WDPCP: variants seen among roughly 807,000 people sequenced by gnomAD.
WDPCP encodes WD repeat-containing and planar cell polarity effector protein fritz homolog.
WDPCP carries 71 observed loss-of-function variants against 93.1 expected under a neutral mutation model. That is an observed-to-expected ratio of 0.76 (90% CI 0.63 to 0.93). The LOEUF (loss-of-function observed/expected upper bound fraction) is 0.93. WDPCP is among the 40% of genes least tolerant of loss of function. The pLI is 0.00. For missense variants in WDPCP, 844 were observed against 887.4 expected (o/e 0.95, Z 0.62); for synonymous variants, 315 against 315.0 (o/e 1.00, Z 0.00).
Position 63,202,529 on chromosome 2 carries a change from G to A in WDPCP, c.1916-27697C>T, listed in dbSNP as rs147749593. Among the ~76,000 whole-genome samples the A allele has an allele frequency of 1.5e-4, 23 of 151,984 alleles. No individual in the cohort carries two copies. The Middle Eastern group carries it at 0.01, about 67-fold the overall frequency. On this transcript the variant is annotated intron_variant, in intron 14 of 17. Coordinates refer to ENST00000272321, the MANE Select transcript of WDPCP (RefSeq NM_015910.7). The stretch of plus-strand genomic sequence containing the variant: ...TATTTCCTCCATAATTTTTTTCCAC[G>A]TGATTTTTCTTAAATTGAGAGAGGT...
intron 12 of WDPCP, among the ~76,000 whole-genome samples, chr2:63,344,340 A>T (rs1689046551): frequency 6.6e-6 from 1 of 152,210 alleles, no homozygotes; most frequent in East Asian, 1.9e-4. Flanking sequence ...TAACAAATGA[A>T]CAAAGACAAA....
intron 2 of WDPCP, among the ~76,000 whole-genome samples, chr2:63,744,423 G>A (rs1669765414): frequency 6.6e-6 from 1 of 152,030 alleles, no homozygotes; most frequent in African/African-American, 2.4e-5. Context: ...TGCCATCAAA[G>A]GAACTGGATG....
At chr2:63,125,642 C>G (rs1669844004) in intron 17 of WDPCP, among the ~76,000 whole-genome samples, 1 of 152,138 alleles carries the variant, frequency 6.6e-6, no homozygotes, top group Non-Finnish European at 1.5e-5. Context: ...GTGTCTTGCT[C>G]TGTTGCCCAG....
chr2:63,497,196 T>C (rs1270474533), intron 1 of WDPCP, among the ~76,000 whole-genome samples: 4 of 150,304 alleles, frequency 2.7e-5, no homozygotes, highest in African/African-American at 7.4e-5. Context: ...GTGAATGTGG[T>C]GGTATACAGA....
chr2:63,686,132 G>A (rs1668802046), intron 2 of WDPCP, among the ~76,000 whole-genome samples: 1 of 152,090 alleles, frequency 6.6e-6, no homozygotes, highest in African/African-American at 2.4e-5. Context: ...GAAAGAAAGG[G>A]CATCCAAAGT....
chr2:63,236,121 G>A lies in WDPCP; in HGVS notation c.1915+23186C>T, dbSNP rs117576759. Among the ~76,000 whole-genome samples, 58 of 152,246 alleles carry A rather than the reference G, an allele frequency of 3.8e-4. No individual in the cohort carries two copies. In the East Asian group the frequency reaches 0.011, roughly 29 times the overall value. ...CAGGAGACTCCTAGACCTGATAAATGACTTCTGTAAAGTTTTGGATACAAA... is the reference window on the plus strand; with the variant it reads ...CAGGAGACTCCTAGACCTGATAAATAACTTCTGTAAAGTTTTGGATACAAA... On this transcript the variant is annotated intron_variant, in intron 14 of 17. Coordinates refer to ENST00000272321, the MANE Select transcript of WDPCP (RefSeq NM_015910.7).
intron 14 of WDPCP, among the ~76,000 whole-genome samples, chr2:63,258,627 A>G (rs1166105828): frequency 1.3e-5 from 2 of 152,164 alleles, no homozygotes; most frequent in African/African-American, 2.4e-5. Flanking sequence ...TTCTTTGCCT[A>G]CTTTAGGAAT....
chr2:63,579,339 G>C (rs889187286), intron 1 of WDPCP, among the ~76,000 whole-genome samples: 10 of 152,246 alleles, frequency 6.6e-5, no homozygotes, highest in African/African-American at 2.4e-4. Context: ...GTTGGGCACA[G>C]TGGTTCATGC....
chr2:63,621,385 T>C (rs1335849135), intron 3 of WDPCP, among the ~76,000 whole-genome samples: 2 of 151,886 alleles, frequency 1.3e-5, no homozygotes, highest in Admixed American at 6.6e-5. Context: ...CATACACAAG[T>C]ATCAATAGCC....
intron 2 of WDPCP, among the ~76,000 whole-genome samples, chr2:63,719,366 A>G (rs1445601389): frequency 6.6e-6 from 1 of 152,066 alleles, no homozygotes; most frequent in African/African-American, 2.4e-5. Context: ...AAATACCCTG[A>G]CCTCTTTTTC....
chr2:63,638,282 G>A (rs148049190), intron 3 of WDPCP, among the ~76,000 whole-genome samples: 232 of 152,020 alleles, frequency 1.5e-3, no homozygotes, highest in Non-Finnish European at 2.7e-3. Context: ...TGCTATGAGA[G>A]TACATCTTAA....
intron 12 of WDPCP, among the ~76,000 whole-genome samples, chr2:63,355,752 G>A (rs1294797355): frequency 1.3e-5 from 2 of 152,142 alleles, no homozygotes; most frequent in African/African-American, 4.8e-5. Flanking sequence ...GCTGGGCATG[G>A]TGGCGGACAC....
At chr2:63,349,489 T>C (rs1362278253) in intron 12 of WDPCP, among the ~76,000 whole-genome samples, 3 of 152,136 alleles carry the variant, frequency 2.0e-5, no homozygotes, top group Admixed American at 2.0e-4. Context: ...TCTCTTTCTA[T>C]ATGAATTATT....
At chr2:63,338,380 C>G (rs1462288059) in intron 12 of WDPCP, among the ~76,000 whole-genome samples, 2 of 151,136 alleles carry the variant, frequency 1.3e-5, no homozygotes, top group Non-Finnish European at 3.0e-5. Context: ...GGTGAAACCC[C>G]GTCTCTATTA....
intron 1 of WDPCP, among the ~76,000 whole-genome samples, chr2:63,559,019 T>A (rs909798411): frequency 6.6e-6 from 1 of 152,138 alleles, no homozygotes; most frequent in Non-Finnish European, 1.5e-5. Flanking sequence ...TGAACATCAA[T>A]GCAAAAATCC....
intron 9 of WDPCP, among the ~76,000 whole-genome samples, chr2:63,428,322 T>C (rs1319640557): frequency 6.6e-6 from 1 of 152,078 alleles, no homozygotes; most frequent in Non-Finnish European, 1.5e-5. Context: ...TGAACACAGA[T>C]GCAAAAATCC....
Position 63,378,353 on chromosome 2 carries a change from T to C in WDPCP, c.1748+33A>G, listed in dbSNP as rs772950611. ...GATGTCTCCTGAAATAAGTAATTAG[T>C]CTGACGCTAATCAATCCAAACATAT... On this transcript the variant is annotated intron_variant, in intron 12 of 17. Coordinates refer to ENST00000272321, the MANE Select transcript of WDPCP (RefSeq NM_015910.7). 5 of 1,611,952 alleles carry C rather than the reference T, an allele frequency of 3.1e-6. No individual in the cohort carries two copies. In the Admixed American group the frequency reaches 6.7e-5, roughly 22 times the overall value.
In WDPCP at chr2:63,725,234, T is replaced by C. The variant is rs1575758884; in HGVS notation, n.309-74396A>G. Among the ~76,000 whole-genome samples, 4 of 152,182 alleles carry C rather than the reference T, an allele frequency of 2.6e-5. No individual in the cohort carries two copies. The East Asian group carries it at 5.8e-4, about 22-fold the overall frequency. Reference sequence around the variant, plus strand: ...ACCCTCCAGCAGGCTCCCATGTCTATTGTTCCCTTAGTGTCCATGTGTACT... The same window carrying C: ...ACCCTCCAGCAGGCTCCCATGTCTACTGTTCCCTTAGTGTCCATGTGTACT... On this transcript the variant is annotated intron_variant and non_coding_transcript_variant, in intron 2 of 4. Coordinates refer to the WDPCP transcript ENST00000467687.
intron 2 of WDPCP, among the ~76,000 whole-genome samples, chr2:63,740,996 A>G (rs1015232053): frequency 6.6e-6 from 1 of 152,172 alleles, no homozygotes; most frequent in African/African-American, 2.4e-5. Context: ...TTTTGGTATT[A>G]ACCAATTTTG....
Sources: gnomAD v4.1 joint callset for allele counts (sites outside exome capture counted in the v4.1 genomes callset) on GRCh38, gnomAD v4.1.1 for gene constraint, MANE v1.5 for transcripts, NCBI Gene and HGNC (gene_info 2026-07-23, HGNC 2026-07-21) for gene names.